NPR2: variants seen among roughly 807,000 people sequenced by gnomAD.
NPR2 encodes the protein atrial natriuretic peptide receptor 2.
In NPR2, 49 loss-of-function variants were observed where a neutral mutation model predicts 120.7. That is an observed-to-expected ratio of 0.41 (90% CI 0.32 to 0.52). NPR2 has a LOEUF of 0.52. Among genes scored for constraint, NPR2 ranks in the 20% least tolerant of loss-of-function variants. NPR2 has a pLI of 0.36. For missense variants in NPR2, 931 were observed against 1,362.9 expected, an observed-to-expected ratio of 0.68 and a Z score of 4.99; for synonymous variants, 484 against 519.8, an observed-to-expected ratio of 0.93 and a Z score of 0.94.
At position 35,809,419 on chromosome 9, in the gene NPR2, C is replaced by T. The variant is rs755731628; in HGVS notation, c.3118C>T (p.Arg1040Trp). ...KMRTYWLLGE[R>W]KGPPGLL ...GCGAACATACTGGCTCTTAGGAGAG[C>T]GGAAAGGACCTCCTGGACTCCTGTA... Residue 1040 changes from arginine (R) to tryptophan (W), a missense_variant, in exon 22 of 22, where the codon CGG (arginine) becomes TGG (tryptophan). Around this residue, in one of 3 missense-constraint regions of NPR2, gnomAD observed 184 missense variants for 328.3 expected, o/e 0.56. Coordinates refer to ENST00000342694, the MANE Select transcript of NPR2 (RefSeq NM_003995.4). This position sits in a 1 kb window ranked among gnomAD's most constrained non-coding sequence, Gnocchi z 4.1. The T allele has an allele frequency of 4.9e-5, 79 of 1,613,998 alleles. 1 individual carries two copies. Among genetic ancestry groups the T allele is most frequent in the Middle Eastern group, 1.6e-4 (1 of 6,084 alleles).
intron 7 of NPR2, 56 bp from the exon 8 acceptor site, chr9:35,801,587 G>A: frequency 6.2e-7 from 1 of 1,610,536 alleles, no homozygotes; most frequent in Non-Finnish European, 8.5e-7. Context: ...CCTGCTGTTG[G>A]CTTGGGGGTG....
chr9:35,796,772 G>A lies in NPR2; in HGVS notation c.873+2669G>A, dbSNP rs536213446. On this transcript the variant is annotated intron_variant, in intron 2 of 21. Coordinates refer to ENST00000342694, the MANE Select transcript of NPR2 (RefSeq NM_003995.4). The stretch of plus-strand genomic sequence containing the variant: ...GGGCTGAGGGGTGATAAGGTGCCCC[G>A]CCCCCCACCTTCCAATGGGGAAGCA... Among the ~76,000 whole-genome samples the A allele has an allele frequency of 1.1e-4, 16 of 152,218 alleles. No individual in the cohort carries two copies. In the South Asian group the frequency reaches 2.9e-3, roughly 28 times the overall value.
Position 35,809,348 on chromosome 9 carries a change from C to A in NPR2, c.3079-32C>A. The A allele has an allele frequency of 6.2e-6, 10 of 1,613,210 alleles. No homozygotes were observed. The highest frequency in any genetic ancestry group is 8.5e-6 in the Non-Finnish European group (10 of 1,179,238). ...GGAGACAAAGGGACTAACATCGAAGCATCTGAATCATGTCCACTCTCCCAC... is the reference window on the plus strand; with the variant it reads ...GGAGACAAAGGGACTAACATCGAAGAATCTGAATCATGTCCACTCTCCCAC... On this transcript the variant is annotated intron_variant, in intron 21 of 21. Coordinates refer to ENST00000342694, the MANE Select transcript of NPR2 (RefSeq NM_003995.4). The surrounding 1 kb of genome is among the most constrained non-coding windows in gnomAD (Gnocchi z 4.1).
At position 35,802,281 on chromosome 9, in the gene NPR2, CATGT is replaced by C. The variant is rs1456290017; in HGVS notation, c.1710+4_1710+7del. On this transcript the variant is annotated splice_donor_variant and coding_sequence_variant, in exon 10 of 22. Transcript: ENST00000342694. LOFTEE classifies it high-confidence loss of function. This position sits in a 1 kb window ranked among gnomAD's most constrained non-coding sequence, Gnocchi z 4.2. ...CCGGCAGGTTCTGTTTGAACTCAAA[CATGT>C]ATGTAACAGAGGATGGACTCTAACA... is the stretch of plus-strand genomic sequence containing the variant. The C allele has an allele frequency of 6.4e-7, 1 of 1,558,228 alleles. No individual in the cohort carries two copies. The highest frequency in any genetic ancestry group is 8.8e-7 in the Non-Finnish European group (1 of 1,130,176).
intron 1 of NPR2, 138 bp from the exon 2 acceptor site, chr9:35,793,760 A>C: frequency 3.7e-6 from 3 of 803,646 alleles, no homozygotes; most frequent in Non-Finnish European, 6.4e-6. Context: ...TGGGCTGGGG[A>C]GCATCTGCTT....
rs1828369816 is a variant in NPR2 at position 35,806,154 on chromosome 9, A to G, written c.2293A>G (p.Met765Val). 1.2e-6 allele frequency: 2 copies of G among 1,614,222 alleles called. No homozygotes were observed. Among genetic ancestry groups the G allele is most frequent in the Non-Finnish European group, 1.7e-6 (2 of 1,180,042 alleles). ...TQLNEELVLL[M>V]ERCWAQDPAE... The stretch of plus-strand genomic sequence containing the variant: ...ACTGAATGAAGAGCTAGTTTTGCTG[A>G]TGGAGCGATGTTGGGCTCAGGACCC... Residue 765 changes from methionine to valine, a missense_variant, in exon 15 of 22, where the codon ATG becomes GTG. Coordinates refer to ENST00000342694, the MANE Select transcript of NPR2 (RefSeq NM_003995.4). This position sits in a 1 kb window ranked among gnomAD's most constrained non-coding sequence, Gnocchi z 4.6.
At chr9:35,801,898 T>C (rs1459031642) in intron 8 of NPR2, 28 bp from the exon 9 acceptor site, 4 of 1,612,796 alleles carry the variant, frequency 2.5e-6, no homozygotes, top group Non-Finnish European at 2.5e-6. Flanking sequence ...CTTTCATCCT[T>C]CCGCCTCCAT....
chr9:35,793,209 T>C, intron 1 of NPR2, 134 bp downstream of exon 1: 1 of 959,614 alleles, frequency 1.0e-6, no homozygotes, highest in East Asian at 2.6e-5. Context: ...GAAGCACACG[T>C]GGACAGAGCA....
In NPR2 at chr9:35,805,628, C is replaced by T. The variant is rs756689850; in HGVS notation, c.2005C>T (p.Arg669Ter). The T allele has an allele frequency of 6.2e-6, 10 of 1,614,174 alleles. No individual in the cohort carries two copies. Among genetic ancestry groups the T allele is most frequent in the Non-Finnish European group, 7.6e-6 (9 of 1,180,030 alleles). The change falls in exon 13 of 22, where the codon CGA becomes TGA. Residue 669 changes from arginine (R) to a stop codon, truncating the protein, a stop_gained. Transcript: ENST00000342694. LOFTEE classifies it high-confidence loss of function. The surrounding 1 kb of genome is among the most constrained non-coding windows in gnomAD (Gnocchi z 4.9). ...KITDYGLASF[R>*]STAEPDDSHA... Reference sequence around the variant, plus strand: ...CACAGACTATGGCCTGGCCAGCTTCCGATCAACTGCTGAACCTGATGACAG... The same window carrying T: ...CACAGACTATGGCCTGGCCAGCTTCTGATCAACTGCTGAACCTGATGACAG...
At position 35,793,038 on chromosome 9, in the gene NPR2, C is replaced by A; in HGVS notation, c.630C>A (p.Pro210=). ...TGTATGCCCGAGAGCCAGGGGGCCC[C>A]GAGCAGGCCACCCACTTCATCCGGG... The part of the protein sequence containing the change: ...HQVYAREPGG[P]EQATHFIRAN... The change falls in exon 1 of 22, where the codon CCC becomes CCA. Residue 210 remains proline (P), a synonymous_variant. Coordinates refer to ENST00000342694, the MANE Select transcript of NPR2 (RefSeq NM_003995.4). The A allele has an allele frequency of 1.2e-6, 2 of 1,605,694 alleles. No individual in the cohort carries two copies. Among genetic ancestry groups the A allele is most frequent in the Non-Finnish European group, 1.7e-6 (2 of 1,176,100 alleles).
At position 35,806,810 on chromosome 9, in the gene NPR2, C is replaced by T. The variant is rs1299400471; in HGVS notation, c.2520-213C>T. 2.6e-5 allele frequency among the ~76,000 whole-genome samples: 4 copies of T among 152,174 alleles called. No homozygotes were observed. The highest frequency in any genetic ancestry group is 5.9e-5 in the Non-Finnish European group (4 of 68,030). On this transcript the variant is annotated intron_variant, in intron 16 of 21. Transcript: ENST00000342694. This position sits in a 1 kb window ranked among gnomAD's most constrained non-coding sequence, Gnocchi z 4.6. ...AAACAGTCCCAACTTGAGACAGCTCCCATGCACAGGGATTCCCCTCAAACC... is the reference window on the plus strand; with the variant it reads ...AAACAGTCCCAACTTGAGACAGCTCTCATGCACAGGGATTCCCCTCAAACC...
Position 35,808,136 on chromosome 9 carries a change from G to C in NPR2, c.2713-373G>C. 1 of 1,461,996 alleles carries C rather than the reference G, an allele frequency of 6.8e-7. No homozygotes were observed. Among genetic ancestry groups the C allele is most frequent in the Non-Finnish European group, 9.6e-7 (1 of 1,042,130 alleles). The allele number at this position is 1,461,996 out of a possible 1,614,324, so 90.6% of individuals were successfully genotyped here. A position where few individuals can be genotyped will look rare whatever the true frequency, so the allele number is the denominator to read the frequency against. On this transcript the variant is annotated intron_variant, in intron 18 of 21. Transcript: ENST00000342694. This position sits in a 1 kb window ranked among gnomAD's most constrained non-coding sequence, Gnocchi z 4.0. ...GCTTTCCTCCTCTCTGACAGTTTGG[G>C]CTGTCAGGTCCATTTCACTGGGCCT...
At position 35,808,262 on chromosome 9, in the gene NPR2, G is replaced by A. The variant is rs531085460; in HGVS notation, c.2713-247G>A. The A allele has an allele frequency of 8.7e-6, 14 of 1,614,118 alleles. No homozygotes were observed. In the African/African-American group the frequency reaches 1.5e-4, roughly 17 times the overall value. On this transcript the variant is annotated intron_variant, in intron 18 of 21. Transcript: ENST00000342694. This position sits in a 1 kb window ranked among gnomAD's most constrained non-coding sequence, Gnocchi z 4.0. ...TTTGTCCATGTCCTGCTGCAGACAG[G>A]GTGTTCATTCATTCCGCAAATGTTT...
chr9:35,799,224 C>T (rs1199483012), intron 2 of NPR2, among the ~76,000 whole-genome samples: 1 of 152,080 alleles, frequency 6.6e-6, no homozygotes, highest in Non-Finnish European at 1.5e-5. Context: ...ACCCAGAAAG[C>T]ATGGGACAGA....
At chr9:35,799,217 C>A (rs1828045036) in intron 2 of NPR2, among the ~76,000 whole-genome samples, 1 of 152,094 alleles carries the variant, frequency 6.6e-6, no homozygotes, top group Non-Finnish European at 1.5e-5. Context: ...AGCAGATACC[C>A]AGAAAGCATG....
At position 35,802,142 on chromosome 9, in the gene NPR2, G is replaced by A. The variant is rs1828191841; in HGVS notation, c.1633-64G>A. The stretch of plus-strand genomic sequence containing the variant: ...TCCTGGGTGCTTCCACTGCTCTCTA[G>A]CATTTCCTTGTACCCAGAACTTCTG... On this transcript the variant is annotated intron_variant, in intron 9 of 21. Transcript: ENST00000342694. The surrounding 1 kb of genome is among the most constrained non-coding windows in gnomAD (Gnocchi z 4.2). The A allele has an allele frequency of 5.3e-6, 7 of 1,319,116 alleles. No individual in the cohort carries two copies. The highest frequency in any genetic ancestry group is 6.6e-6 in the Non-Finnish European group (6 of 911,200). 81.7% of individuals were successfully genotyped at this position (1,319,116 alleles called of 1,614,324 possible). A position where few individuals can be genotyped will look rare whatever the true frequency, so the allele number is the denominator to read the frequency against.
Position 35,802,729 on chromosome 9 carries a change from C to A in NPR2, c.1816-3C>A. 1 of 1,606,336 alleles carries A rather than the reference C, an allele frequency of 6.2e-7. No individual in the cohort carries two copies. The highest frequency in any genetic ancestry group is 8.5e-7 in the Non-Finnish European group (1 of 1,172,878). On this transcript the variant is annotated splice_polypyrimidine_tract_variant and splice_region_variant and intron_variant, in intron 11 of 21. Transcript: ENST00000342694. The surrounding 1 kb of genome is among the most constrained non-coding windows in gnomAD (Gnocchi z 4.2). ...AGACAGTCTATTCCATGTCACTTAC[C>A]AGGATATTCTAGAAAATGACAGCAT...
Position 35,809,031 on chromosome 9 carries a change from A to AGATATGC in NPR2, c.2987-124_2987-118dup. 1 of 1,048,364 alleles carries AGATATGC rather than the reference A, an allele frequency of 9.5e-7. No homozygotes were observed. 64.9% of individuals were successfully genotyped at this position (1,048,364 alleles called of 1,614,324 possible). A position where few individuals can be genotyped will look rare whatever the true frequency, so the allele number is the denominator to read the frequency against. ...AGGTTGGGCATATTTTGGTCCTAAT[A>AGATATGC]GATATGCATTGGGAGCTTCCCAGGG... is the stretch of plus-strand genomic sequence containing the variant. On this transcript the variant is annotated intron_variant, in intron 20 of 21. Transcript: ENST00000342694. The surrounding 1 kb of genome is among the most constrained non-coding windows in gnomAD (Gnocchi z 4.1).
rs72727069 is a variant in NPR2 at position 35,794,233 on chromosome 9, G to A, written c.873+130G>A. 1,376 of 799,828 alleles carry A rather than the reference G, an allele frequency of 1.7e-3. 1 individual carries two copies. Among genetic ancestry groups the A allele is most frequent in the Admixed American group, 2.8e-3 (102 of 36,270 alleles). The allele number at this position is 799,828 out of a possible 1,614,324, so 49.5% of individuals were successfully genotyped here. On this transcript the variant is annotated intron_variant, in intron 2 of 21. Coordinates refer to ENST00000342694, the MANE Select transcript of NPR2 (RefSeq NM_003995.4). ...GAGCCACAGGAGTAAAATGAACAGA[G>A]GCATTCTGAGTCTAGTGTCACCCTT... is the stretch of plus-strand genomic sequence containing the variant.
Sources: gnomAD v4.1 joint callset for allele counts (sites outside exome capture counted in the v4.1 genomes callset) on GRCh38, gnomAD v4.1.1 for gene constraint, gnomAD v4.1.1 regional missense constraint, Gnocchi (gnomAD v3.1) non-coding constraint, MANE v1.5 for transcripts, NCBI Gene and HGNC (gene_info 2026-07-23, HGNC 2026-07-21) for gene names.